The following ADGRL3 variants were observed in gnomAD, a reference collection of about 807,000 sequenced individuals.
The protein encoded by ADGRL3 is calcium-independent alpha-latrotoxin receptor 3.
In ADGRL3, 62 loss-of-function variants were observed where a neutral mutation model predicts 153.5. The ratio of observed to expected loss-of-function variants is 0.40; its 90% CI spans 0.33 to 0.50. The LOEUF is 0.50. ADGRL3 is among the 20% of genes least tolerant of loss of function. The pLI is 0.47. For missense variants in ADGRL3, 1,641 were observed against 1,859.4 expected (o/e 0.88, Z 2.16); for synonymous variants, 710 against 672.5 (o/e 1.06, Z -0.86).
At chr4:61,515,592 A>G (rs992331620) in intron 3 of ADGRL3, among the ~76,000 whole-genome samples, 4 of 152,190 alleles carry the variant, frequency 2.6e-5, no homozygotes, top group Admixed American at 2.0e-4. Flanking sequence ...TATTTGTTGA[A>G]TGAATGAAAA....
chr4:62,031,956 TACACACAC>T (rs146856591), intron 23 of ADGRL3, among the ~76,000 whole-genome samples: 27,842 of 137,758 alleles, frequency 0.2, 2,729 homozygotes, highest in Middle Eastern at 0.24. Flanking sequence ...GCATGAGTTA[TACACACAC>T]ACACACACAC....
intron 8 of ADGRL3, among the ~76,000 whole-genome samples, chr4:61,788,704 A>C (rs1451262010): frequency 6.6e-6 from 1 of 152,184 alleles, no homozygotes; most frequent in Non-Finnish European, 1.5e-5. Flanking sequence ...AATTGCCAGA[A>C]AAAGAATTTA....
chr4:61,718,457 T>G (rs2096170341), intron 6 of ADGRL3, among the ~76,000 whole-genome samples: 1 of 152,214 alleles, frequency 6.6e-6, no homozygotes, highest in South Asian at 2.1e-4. Flanking sequence ...GAATTTGTCA[T>G]TACATAGTTG....
intron 4 of ADGRL3, among the ~76,000 whole-genome samples, chr4:61,574,945 A>G (rs577380426): frequency 2.9e-4 from 44 of 151,876 alleles, no homozygotes; most frequent in African/African-American, 1.0e-3. Flanking sequence ...AATGTTTGCA[A>G]GCATCATTTT....
At position 61,484,331 on chromosome 4, in the gene ADGRL3, A is replaced by G. The variant is rs559406420; in HGVS notation, c.-173-12790A>G. On this transcript the variant is annotated intron_variant, in intron 2 of 26. Coordinates refer to ENST00000683033, the MANE Select transcript of ADGRL3 (RefSeq NM_001387552.1). ...CCTAAAAGCTGAGGAGATGTTTTTG[A>G]CTGCAAAGCAGTCTTCTTATCCTGG... 2.0e-5 allele frequency among the ~76,000 whole-genome samples: 3 copies of G among 152,272 alleles called. No homozygotes were observed. The East Asian group carries it at 5.8e-4, about 29-fold the overall frequency.
intron 9 of ADGRL3, among the ~76,000 whole-genome samples, chr4:61,865,106 A>G (rs1156387934): frequency 6.6e-6 from 1 of 152,200 alleles, no homozygotes; most frequent in Admixed American, 6.5e-5. Flanking sequence ...GGTTTACACT[A>G]AGCATAAACT....
intron 1 of ADGRL3, among the ~76,000 whole-genome samples, chr4:61,312,291 C>T (rs2095044953): frequency 6.6e-6 from 1 of 152,004 alleles, no homozygotes; most frequent in East Asian, 1.9e-4. Flanking sequence ...GGATCAAGAC[C>T]TAAATGTAAA....
At chr4:61,937,347 C>A (rs1469757823) in intron 15 of ADGRL3, among the ~76,000 whole-genome samples, 2 of 151,530 alleles carry the variant, frequency 1.3e-5, no homozygotes, top group African/African-American at 4.8e-5. Context: ...ACAGAGTAAT[C>A]TTGATTCTGG....
chr4:62,056,494 A>G (rs1377024546), intron 25 of ADGRL3, among the ~76,000 whole-genome samples: 1 of 152,002 alleles, frequency 6.6e-6, no homozygotes, highest in African/African-American at 2.4e-5. Context: ...ATCATTTTAC[A>G]TGCAGTGTTA....
chr4:61,232,423 C>T (rs1751066657), intron 1 of ADGRL3, among the ~76,000 whole-genome samples: 1 of 151,780 alleles, frequency 6.6e-6, no homozygotes, highest in African/African-American at 2.4e-5. Flanking sequence ...ATTCTCCTGC[C>T]TCAGCCTCCC....
At chr4:61,534,440 A>G (rs750554110) in intron 4 of ADGRL3, among the ~76,000 whole-genome samples, 1 of 152,114 alleles carries the variant, frequency 6.6e-6, no homozygotes, top group African/African-American at 2.4e-5. Context: ...GATTCCGTAT[A>G]AATTTTAGAC....
At chr4:61,706,595 T>G (rs566739610) in intron 6 of ADGRL3, among the ~76,000 whole-genome samples, 1 of 152,268 alleles carries the variant, frequency 6.6e-6, no homozygotes, top group Non-Finnish European at 1.5e-5. Context: ...AGACAGCTTA[T>G]TTTTTTAAAA....
intron 8 of ADGRL3, among the ~76,000 whole-genome samples, chr4:61,745,919 T>C (rs1252417430): frequency 1.3e-5 from 2 of 152,274 alleles, no homozygotes; most frequent in African/African-American, 2.4e-5. Flanking sequence ...ACTGGCAAAT[T>C]GGATAAAGAG....
chr4:61,699,641 A>G (rs2095711691), intron 6 of ADGRL3, among the ~76,000 whole-genome samples: 1 of 152,064 alleles, frequency 6.6e-6, no homozygotes, highest in South Asian at 2.1e-4. Context: ...ACCCATTAGG[A>G]TTTTTATTTC....
chr4:61,526,242 G>A (rs1425857601), intron 4 of ADGRL3, among the ~76,000 whole-genome samples: 1 of 152,094 alleles, frequency 6.6e-6, no homozygotes, highest in Non-Finnish European at 1.5e-5. Flanking sequence ...AAAATGATTG[G>A]TTTTGATTCT....
chr4:61,604,339 T>C (rs1188155729), intron 5 of ADGRL3, among the ~76,000 whole-genome samples: 1 of 152,234 alleles, frequency 6.6e-6, no homozygotes, highest in Non-Finnish European at 1.5e-5. Flanking sequence ...GCCATGCTTA[T>C]ACTAACTATA....
intron 2 of ADGRL3, among the ~76,000 whole-genome samples, chr4:61,423,159 A>T (rs1462890129): frequency 1.3e-5 from 2 of 152,210 alleles, no homozygotes; most frequent in Non-Finnish European, 2.9e-5. Context: ...TTGCAGTTTT[A>T]CATATCTGGT....
chr4:62,070,977 CA>C lies in ADGRL3; in HGVS notation c.*70del, dbSNP rs1745491679. On this transcript the variant is annotated 3_prime_UTR_variant, in exon 27 of 27. Coordinates refer to ENST00000683033, the MANE Select transcript of ADGRL3 (RefSeq NM_001387552.1). ...GTTGACTGTTCTGAGTTGATATAAG[CA>C]GTGGTAATAATGTGTGTACTCCTAA... 1 of 1,282,324 alleles carries C rather than the reference CA, an allele frequency of 7.8e-7. No homozygotes were observed. Among genetic ancestry groups the C allele is most frequent in the Middle Eastern group, 1.9e-4 (1 of 5,196 alleles). 79.4% of individuals were successfully genotyped at this position (1,282,324 alleles called of 1,614,324 possible). A position where few individuals can be genotyped will look rare whatever the true frequency, so the allele number is the denominator to read the frequency against.
At chr4:61,518,728 T>A (rs1418028078) in intron 4 of ADGRL3, among the ~76,000 whole-genome samples, 1 of 152,180 alleles carries the variant, frequency 6.6e-6, no homozygotes, top group Non-Finnish European at 1.5e-5. Context: ...GCAGTGGTGA[T>A]GACAGGCAGC....
Sources: gnomAD v4.1 joint callset for allele counts (sites outside exome capture counted in the v4.1 genomes callset) on GRCh38, gnomAD v4.1.1 for gene constraint, MANE v1.5 for transcripts, NCBI Gene and HGNC (gene_info 2026-07-23, HGNC 2026-07-21) for gene names.